The following GJC2 variants were observed in gnomAD, a reference collection of about 807,000 sequenced individuals.
GJC2 encodes gap junction gamma-2 protein.
For missense variants in GJC2, 647 were observed against 648.9 expected, an observed-to-expected ratio of 1.00 and a Z score of 0.03; for synonymous variants, 336 against 307.5, an observed-to-expected ratio of 1.09 and a Z score of -0.97.
At position 228,152,484 on chromosome 1, in the gene GJC2, T is replaced by C. The variant is rs373668306; in HGVS notation, c.-20+2477T>C. On this transcript the variant is annotated intron_variant, in intron 1 of 1. Coordinates refer to ENST00000366714, the MANE Select transcript of GJC2 (RefSeq NM_020435.4). The surrounding 1 kb of genome is among the most constrained non-coding windows in gnomAD (Gnocchi z 7.3). ...CTGAGATACCAGGACACCAGGACAC[T>C]GGTCAGAGCTGGCCCAGCCAGGTTT... 2.9e-3 allele frequency among the ~76,000 whole-genome samples: 437 copies of C among 152,192 alleles called. No homozygotes were observed. The highest frequency in any genetic ancestry group is 9.6e-3 in the African/African-American group (400 of 41,542).
rs762151834 is a variant in GJC2, at chr1:228,151,528, A to T, written c.-20+1521A>T. ...GGGTTCATGGCTATGTGTGAGAGTG[A>T]GTGTGTGAGCCCAGCTCCATGTTGA... On this transcript the variant is annotated intron_variant, in intron 1 of 1. Transcript: ENST00000366714. The surrounding 1 kb of genome is among the most constrained non-coding windows in gnomAD (Gnocchi z 5.4). 1.3e-5 allele frequency among the ~76,000 whole-genome samples: 2 copies of T among 151,712 alleles called. No homozygotes were observed. Among genetic ancestry groups the T allele is most frequent in the Non-Finnish European group, 2.9e-5 (2 of 67,922 alleles).
chr1:228,157,752 C>G lies in GJC2; in HGVS notation c.-7C>G. Reference sequence around the variant, plus strand: ...CCCCGCCCCACAGGACCCGCCCGCCCGCCCCTATGACCAACATGAGCTGGA... The same window carrying G: ...CCCCGCCCCACAGGACCCGCCCGCCGGCCCCTATGACCAACATGAGCTGGA... On this transcript the variant is annotated 5_prime_UTR_variant, in exon 2 of 2. Transcript: ENST00000366714. The G allele has an allele frequency of 1.1e-5, 5 of 441,386 alleles. No individual in the cohort carries two copies. The highest frequency in any genetic ancestry group is 2.1e-5 in the African/African-American group (1 of 47,196). 27.3% of individuals were successfully genotyped at this position (441,386 alleles called of 1,614,324 possible). A position where few individuals can be genotyped will look rare whatever the true frequency, so the allele number is the denominator to read the frequency against.
At position 228,150,517 on chromosome 1, in the gene GJC2, C is replaced by A. The variant is rs576274234; in HGVS notation, c.-20+510C>A. Among the ~76,000 whole-genome samples, 1 of 152,206 alleles carries A rather than the reference C, an allele frequency of 6.6e-6. No homozygotes were observed. The highest frequency in any genetic ancestry group is 1.5e-5 in the Non-Finnish European group (1 of 68,016). On this transcript the variant is annotated intron_variant, in intron 1 of 1. Coordinates refer to ENST00000366714, the MANE Select transcript of GJC2 (RefSeq NM_020435.4). The surrounding 1 kb of genome is among the most constrained non-coding windows in gnomAD (Gnocchi z 4.6). The stretch of plus-strand genomic sequence containing the variant: ...AAGGCCACAAGCCACTAAGTTTGCA[C>A]TGGGGCCCAGCCTAGGTCTGAAGCC...
At position 228,153,897 on chromosome 1, in the gene GJC2, AAAAAAT is replaced by A. The variant is rs1300846828; in HGVS notation, c.-19-3830_-19-3825del. ...TGCCCGGCTTAAGACCCCATTTCTT[AAAAAAT>A]AAAAATAAAAATTGCCAGCATGGTG... On this transcript the variant is annotated intron_variant, in intron 1 of 1. Coordinates refer to ENST00000366714, the MANE Select transcript of GJC2 (RefSeq NM_020435.4). Among the ~76,000 whole-genome samples, 6 of 152,162 alleles carry A rather than the reference AAAAAAT, an allele frequency of 3.9e-5. No individual in the cohort carries two copies. In the South Asian group the frequency reaches 1.0e-3, roughly 26 times the overall value.
chr1:228,156,851 G>C (rs868288579), intron 1 of GJC2, among the ~76,000 whole-genome samples: 2 of 152,256 alleles, frequency 1.3e-5, no homozygotes, highest in African/African-American at 4.8e-5. Context: ...TGCCCACCTT[G>C]GGCTTGGCTG....
rs1031720654 is a variant in GJC2, at chr1:228,157,961, A to G, written c.203A>G (p.Tyr68Cys). 5.6e-6 allele frequency: 9 copies of G among 1,612,532 alleles called. No homozygotes were observed. Among genetic ancestry groups the G allele is most frequent in the East Asian group, 2.2e-5 (1 of 44,876 alleles). ...TRQPGCDNVC[Y>C]DAFAPLSHVR... ...CAGCCAGGCTGCGACAACGTCTGCT[A>G]TGACGCCTTCGCGCCCCTGTCGCAC... is the stretch of plus-strand genomic sequence containing the variant. Residue 68 changes from tyrosine to cysteine, a missense_variant, in exon 2 of 2, where the codon TAT (tyrosine) becomes TGT (cysteine). By Grantham distance (194) the Tyr-to-Cys change is radical (BLOSUM62 -2). Transcript: ENST00000366714.
rs1397931170 is a variant in GJC2 at position 228,151,939 on chromosome 1, TG to T, written c.-20+1933del. ...GGTAGTGGAGCTGCCACCACAGAGC[TG>T]AGCTCTGGGCATCAGGGTAGGGGGC... On this transcript the variant is annotated intron_variant, in intron 1 of 1. Transcript: ENST00000366714. The surrounding 1 kb of genome is among the most constrained non-coding windows in gnomAD (Gnocchi z 5.4). 6.6e-6 allele frequency among the ~76,000 whole-genome samples: 1 copy of T among 152,132 alleles called. No individual in the cohort carries two copies. The highest frequency in any genetic ancestry group is 6.5e-5 in the Admixed American group (1 of 15,280).
intron 1 of GJC2, among the ~76,000 whole-genome samples, chr1:228,154,610 A>G (rs1162778885): frequency 1.3e-5 from 2 of 152,278 alleles, no homozygotes; most frequent in African/African-American, 4.8e-5. Flanking sequence ...GAGTGTCCAC[A>G]TGGCTGCTTT....
chr1:228,158,046 C>A lies in GJC2; in HGVS notation c.288C>A (p.Gly96=), dbSNP rs1228619244. 1.9e-6 allele frequency: 3 copies of A among 1,608,712 alleles called. No homozygotes were observed. The highest frequency in any genetic ancestry group is 2.5e-6 in the Non-Finnish European group (3 of 1,179,238). The change falls in exon 2 of 2, where the codon GGC becomes GGA. Residue 96 remains glycine, a synonymous_variant. Transcript: ENST00000366714. This position sits in a 1 kb window ranked among gnomAD's most constrained non-coding sequence, Gnocchi z 8.3. ...VISTPSVMYL[G]YAVHRLARAS... is the part of the protein sequence containing the mutation. ...CCACGCCCTCGGTCATGTACCTGGG[C>A]TACGCCGTGCACCGCCTGGCCCGTG...
At position 228,152,742 on chromosome 1, in the gene GJC2, T is replaced by C. The variant is rs2034634529; in HGVS notation, c.-20+2735T>C. 6.6e-6 allele frequency among the ~76,000 whole-genome samples: 1 copy of C among 151,230 alleles called. No homozygotes were observed. Among genetic ancestry groups the C allele is most frequent in the Non-Finnish European group, 1.5e-5 (1 of 67,826 alleles). On this transcript the variant is annotated intron_variant, in intron 1 of 1. Transcript: ENST00000366714. The surrounding 1 kb of genome is among the most constrained non-coding windows in gnomAD (Gnocchi z 7.3). ...ACCCTGGTCCCCAGTATGAGAACCC[T>C]GTGAGTCCCCGGCCCTCCACCAATG...
chr1:228,157,176 G>T (rs2034692673), intron 1 of GJC2, among the ~76,000 whole-genome samples: 1 of 151,712 alleles, frequency 6.6e-6, no homozygotes, highest in Non-Finnish European at 1.5e-5. Context: ...CCCCTGTCCA[G>T]GGTGTGGAGG....
At position 228,158,751 on chromosome 1, in the gene GJC2, C is replaced by G. The variant is rs891962078; in HGVS notation, c.993C>G (p.Pro331=). 1.9e-4 allele frequency: 263 copies of G among 1,383,026 alleles called. No individual in the cohort carries two copies. The highest frequency in any genetic ancestry group is 2.2e-4 in the Non-Finnish European group (232 of 1,066,892). The allele number at this position is 1,383,026 out of a possible 1,614,324, so 85.7% of individuals were successfully genotyped here. A position where few individuals can be genotyped will look rare whatever the true frequency, so the allele number is the denominator to read the frequency against. ...CGGCCGCTGGCTTGGCCTGCCCGCCCGACTACAGCCTGGTGGTGCGGGCGG... is the reference window on the plus strand; with the variant it reads ...CGGCCGCTGGCTTGGCCTGCCCGCCGGACTACAGCCTGGTGGTGCGGGCGG... The part of the protein sequence containing the change: ...PAAAAGLACP[P]DYSLVVRAAE... The change falls in exon 2 of 2, where the codon CCC becomes CCG. Residue 331 remains proline, a synonymous_variant. Transcript: ENST00000366714. This position sits in a 1 kb window ranked among gnomAD's most constrained non-coding sequence, Gnocchi z 8.3.
Position 228,158,776 on chromosome 1 carries a change from G to C in GJC2, c.1018G>C (p.Ala340Pro). Residue 340 changes from alanine (A) to proline (P), a missense_variant, in exon 2 of 2, where the codon GCC becomes CCC. Physicochemically the swap from Ala to Pro is conservative, Grantham distance 27. Coordinates refer to ENST00000366714, the MANE Select transcript of GJC2 (RefSeq NM_020435.4). The surrounding 1 kb of genome is among the most constrained non-coding windows in gnomAD (Gnocchi z 8.3). ...CGACTACAGCCTGGTGGTGCGGGCGGCCGAGCGCGCTCGGGCGCATGACCA... is the reference window on the plus strand; with the variant it reads ...CGACTACAGCCTGGTGGTGCGGGCGCCCGAGCGCGCTCGGGCGCATGACCA... ...PPDYSLVVRA[A>P]ERARAHDQNL... 7.1e-7 allele frequency: 1 copy of C among 1,411,610 alleles called. No homozygotes were observed. The highest frequency in any genetic ancestry group is 1.3e-5 in the South Asian group (1 of 75,052). 87.4% of individuals were successfully genotyped at this position (1,411,610 alleles called of 1,614,324 possible).
chr1:228,155,003 A>AG (rs2034662668), intron 1 of GJC2, among the ~76,000 whole-genome samples: 1 of 152,116 alleles, frequency 6.6e-6, no homozygotes, highest in African/African-American at 2.4e-5. Flanking sequence ...GCCAGAGCAA[A>AG]GGTGTGTGTC....
Position 228,157,742 on chromosome 1 carries a change from C to CCA in GJC2, c.-16_-15insAC. 4 of 197,640 alleles carry CCA rather than the reference C, an allele frequency of 2.0e-5. No homozygotes were observed. The highest frequency in any genetic ancestry group is 5.8e-5 in the South Asian group (2 of 34,444). 12.2% of individuals were successfully genotyped at this position (197,640 alleles called of 1,614,324 possible). The stretch of plus-strand genomic sequence containing the variant: ...CTGACCCCTACCCCGCCCCACAGGA[C>CCA]CCGCCCGCCCGCCCCTATGACCAAC... On this transcript the variant is annotated 5_prime_UTR_variant, in exon 2 of 2. Coordinates refer to ENST00000366714, the MANE Select transcript of GJC2 (RefSeq NM_020435.4).
At position 228,157,650 on chromosome 1, in the gene GJC2, G is replaced by A. The variant is rs376318575; in HGVS notation, c.-19-90G>A. 2.0e-5 allele frequency: 14 copies of A among 709,504 alleles called. No individual in the cohort carries two copies. In the Admixed American group the frequency reaches 3.1e-4, roughly 16 times the overall value. 44.0% of individuals were successfully genotyped at this position (709,504 alleles called of 1,614,324 possible). On this transcript the variant is annotated intron_variant, in intron 1 of 1. Coordinates refer to ENST00000366714, the MANE Select transcript of GJC2 (RefSeq NM_020435.4). ...TCATTGACTGTGTAAGCAGAGAGGG[G>A]CCAGCTGCGAGGCAAGCCTGGAGCC...
intron 1 of GJC2, 40 bp from the exon 2 acceptor site, chr1:228,157,699 CT>C: frequency 7.7e-7 from 1 of 1,291,368 alleles, no homozygotes; most frequent in South Asian, 1.4e-5. Context: ...CCGCGGGCTC[CT>C]AAGTGCAGGC....
Position 228,159,067 on chromosome 1 carries a change from G to A in GJC2, c.1309G>A (p.Val437Met). The change falls in exon 2 of 2, where the codon GTG (valine) becomes ATG (methionine). Residue 437 changes from valine to methionine, a missense_variant. Physicochemically the swap from Val to Met is conservative, Grantham distance 21. Coordinates refer to ENST00000366714, the MANE Select transcript of GJC2 (RefSeq NM_020435.4). The surrounding 1 kb of genome is among the most constrained non-coding windows in gnomAD (Gnocchi z 4.0). ...SASSRDGKTT[V>M]WI ...CAGCAGCAGGGACGGGAAGACCACC[G>A]TGTGGATCTGAGGGCGCTGGCTTGC... 2 of 1,610,540 alleles carry A rather than the reference G, an allele frequency of 1.2e-6. No homozygotes were observed. The highest frequency in any genetic ancestry group is 1.1e-5 in the South Asian group (1 of 90,968).
In GJC2 at chr1:228,158,859, CGACCGGGACA is replaced by C. The variant is rs2034729724; in HGVS notation, c.1103_1112del (p.Asp368ValfsTer100). On this transcript the variant is annotated frameshift_variant, in exon 2 of 2. Coordinates refer to ENST00000366714, the MANE Select transcript of GJC2 (RefSeq NM_020435.4). LOFTEE classifies it low-confidence loss of function (END_TRUNC). This position sits in a 1 kb window ranked among gnomAD's most constrained non-coding sequence, Gnocchi z 8.3. ...GCGACGGGGCAGCGGCTGGGGACCG[CGACCGGGACA>C]GTTCGCCGTGCGTCGGCCTCCCTGC... 1 of 1,477,932 alleles carries C rather than the reference CGACCGGGACA, an allele frequency of 6.8e-7. No homozygotes were observed. Among genetic ancestry groups the C allele is most frequent in the Admixed American group, 2.3e-5 (1 of 43,154 alleles). The allele number at this position is 1,477,932 out of a possible 1,614,324, so 91.6% of individuals were successfully genotyped here.
Sources: gnomAD v4.1 joint callset for allele counts (sites outside exome capture counted in the v4.1 genomes callset) on GRCh38, gnomAD v4.1.1 for gene constraint, Gnocchi (gnomAD v3.1) non-coding constraint, MANE v1.5 for transcripts, NCBI Gene and HGNC (gene_info 2026-07-23, HGNC 2026-07-21) for gene names.